The following ZDHHC11 variants were observed in gnomAD, a reference collection of about 807,000 sequenced individuals.
The protein encoded by ZDHHC11 is palmitoyltransferase ZDHHC11.
A neutral mutation model predicts 51.3 loss-of-function variants in ZDHHC11; 44 were observed. That is an observed-to-expected ratio of 0.86 (90% CI 0.67 to 1.10). The LOEUF (loss-of-function observed/expected upper bound fraction) is 1.10. ZDHHC11 is among the 50% of genes least tolerant of loss of function. The probability of loss-of-function intolerance (pLI) is 0.00; values close to 1 mark genes in which losing one functional copy is unlikely to be tolerated. For synonymous variants in ZDHHC11, 163 were observed against 222.0 expected, an observed-to-expected ratio of 0.73 and a Z score of 2.36; for missense variants, 400 against 537.7, an observed-to-expected ratio of 0.74 and a Z score of 2.53.
chr5:812,630 G>C, intron 11 of ZDHHC11, among the ~76,000 whole-genome samples: 1 of 151,254 alleles, frequency 6.6e-6, no homozygotes, highest in Non-Finnish European at 1.5e-5. Context: ...GGTAAAGTAA[G>C]TAAAAAGAAA....
chr5:825,565 T>C (rs1379689430), intron 7 of ZDHHC11, among the ~76,000 whole-genome samples: 23 of 152,166 alleles, frequency 1.5e-4, no homozygotes, highest in African/African-American at 5.6e-4. Context: ...TGATGGCAGA[T>C]GGGAGACAGG....
At chr5:808,984 TACACACAC>T (rs56961185) in intron 11 of ZDHHC11, among the ~76,000 whole-genome samples, 11,361 of 133,802 alleles carry the variant, frequency 0.085, 705 homozygotes, top group African/African-American at 0.27. Context: ...GACCATCAGT[TACACACAC>T]ACACACACAC....
chr5:821,744 T>C (rs564835710), intron 9 of ZDHHC11, 117 bp downstream of exon 9: 1 of 1,077,738 alleles, frequency 9.3e-7, no homozygotes, highest in East Asian at 2.6e-5. Flanking sequence ...TCCTGGCACT[T>C]CAGGATATTT....
intron 1 of ZDHHC11, among the ~76,000 whole-genome samples, chr5:849,939 G>A (rs1487438901): frequency 1.3e-5 from 2 of 151,824 alleles, no homozygotes; most frequent in African/African-American, 2.4e-5. Context: ...CATCTCCGCA[G>A]GGCAGCCCAG....
At chr5:854,258 G>A (rs1271196328), upstream of ZDHHC11, among the ~76,000 whole-genome samples, 1 of 144,110 alleles carries the variant, frequency 6.9e-6, no homozygotes, top group South Asian at 2.3e-4. Context: ...AGTGTGGATA[G>A]ACCCCACCAA....
chr5:801,065 G>C (rs1325887281), intron 12 of ZDHHC11, 35 bp downstream of exon 12: 2 of 1,608,222 alleles, frequency 1.2e-6, no homozygotes, highest in African/African-American at 1.3e-5. Context: ...AACTTGGGTA[G>C]ATTTCAACAT....
rs1433651726 is a variant in ZDHHC11 at position 796,225 on chromosome 5, C to G, written c.*363G>C. 1.3e-5 allele frequency: 2 copies of G among 154,678 alleles called. No homozygotes were observed. The highest frequency in any genetic ancestry group is 2.9e-5 in the Non-Finnish European group (2 of 68,114). 9.6% of individuals were successfully genotyped at this position (154,678 alleles called of 1,614,324 possible). A position where few individuals can be genotyped will look rare whatever the true frequency, so the allele number is the denominator to read the frequency against. On this transcript the variant is annotated 3_prime_UTR_variant, in exon 13 of 13. Transcript: ENST00000283441. Reference sequence around the variant, plus strand: ...GTGTGAGCCAACATGCCCGGCCCATCAGCTCTTAAGCAGCAAGAGGCCCTG... The same window carrying G: ...GTGTGAGCCAACATGCCCGGCCCATGAGCTCTTAAGCAGCAAGAGGCCCTG...
intron 8 of ZDHHC11, chr5:824,136 G>T (rs1206490879): frequency 2.2e-6 from 1 of 452,100 alleles, no homozygotes; most frequent in African/African-American, 2.0e-5. Context: ...ACCTCCAGAA[G>T]CTGGCCCCAT....
At position 850,760 on chromosome 5, in the gene ZDHHC11, G is replaced by C. The variant is rs548470476; in HGVS notation, c.-158C>G. Reference sequence around the variant, plus strand: ...GCCTGGGGCCACGTTCCCCGCAGAGGGAGCAGGGGCTGGGCTGGAGTCGGT... The same window carrying C: ...GCCTGGGGCCACGTTCCCCGCAGAGCGAGCAGGGGCTGGGCTGGAGTCGGT... On this transcript the variant is annotated 5_prime_UTR_variant, in exon 1 of 13. Coordinates refer to ENST00000283441, the MANE Select transcript of ZDHHC11 (RefSeq NM_024786.3). The C allele has an allele frequency of 4.9e-4, 440 of 893,892 alleles. 2 individuals are homozygous for C. In the East Asian group the frequency reaches 5.5e-3, roughly 11 times the overall value. The allele number at this position is 893,892 out of a possible 1,614,324, so 55.4% of individuals were successfully genotyped here. A position where few individuals can be genotyped will look rare whatever the true frequency, so the allele number is the denominator to read the frequency against.
At chr5:845,793 T>C (rs1746058347) in intron 3 of ZDHHC11, among the ~76,000 whole-genome samples, 1 of 150,968 alleles carries the variant, frequency 6.6e-6, no homozygotes, top group Admixed American at 6.5e-5. Flanking sequence ...CGGCGTTGGC[T>C]GCTGCCTGGA....
rs938042407 is a variant in ZDHHC11, at chr5:829,400, A to G, written c.936-4149T>C. On this transcript the variant is annotated intron_variant, in intron 7 of 12. Coordinates refer to ENST00000283441, the MANE Select transcript of ZDHHC11 (RefSeq NM_024786.3). ...TATGCACACAAACTAGAAAATCCAG[A>G]GGAGATGGATAACTTCCTGGAAATA... Among the ~76,000 whole-genome samples the G allele has an allele frequency of 2.0e-4, 31 of 152,136 alleles. No homozygotes were observed. In the East Asian group the frequency reaches 4.4e-3, roughly 22 times the overall value.
Position 850,447 on chromosome 5 carries a change from A to G in ZDHHC11, c.156T>C (p.Leu52=), listed in dbSNP as rs1561307520. The part of the protein sequence containing the change: ...QVVTWAVFVG[L]SSATFGIFIP... Reference sequence around the variant, plus strand: ...TGAAGATCCCGAAGGTGGCCGAGGAAAGGCCCACGAAGACAGCCCAGGTCA... The same window carrying G: ...TGAAGATCCCGAAGGTGGCCGAGGAGAGGCCCACGAAGACAGCCCAGGTCA... The change falls in exon 1 of 13, where the codon CTT becomes CTC. Residue 52 remains leucine, a synonymous_variant. Transcript: ENST00000283441. 6.2e-7 allele frequency: 1 copy of G among 1,613,618 alleles called. No individual in the cohort carries two copies. Among genetic ancestry groups the G allele is most frequent in the Non-Finnish European group, 8.5e-7 (1 of 1,180,012 alleles).
Position 843,957 on chromosome 5 carries a change from G to GT in ZDHHC11, c.504-234_504-233insA, listed in dbSNP as rs1330427256. On this transcript the variant is annotated intron_variant, in intron 3 of 12. Coordinates refer to ENST00000283441, the MANE Select transcript of ZDHHC11 (RefSeq NM_024786.3). ...AGGGGCGGGGGCATGCAGGGCAGGT[G>GT]GGGGGTGCAGAGGCAGGGGCAGGGA... 5.3e-3 allele frequency among the ~76,000 whole-genome samples: 455 copies of GT among 85,912 alleles called. 4 individuals carry two copies. The highest frequency in any genetic ancestry group is 0.024 in the African/African-American group (153 of 6,250). The allele number at this position is 85,912 out of a possible 152,430, so 56.4% of individuals were successfully genotyped here.
chr5:845,336 G>C (rs1260376442), intron 3 of ZDHHC11, among the ~76,000 whole-genome samples: 1 of 152,288 alleles, frequency 6.6e-6, no homozygotes, highest in Non-Finnish European at 1.5e-5. Flanking sequence ...TGTCTGGACA[G>C]GACTCCCCTC....
chr5:850,153 C>A (rs1746936988), intron 1 of ZDHHC11: 4 of 569,808 alleles, frequency 7.0e-6, no homozygotes, highest in African/African-American at 1.9e-5. Flanking sequence ...TGACAGATTC[C>A]CTCTCCGGAG....
intron 7 of ZDHHC11, among the ~76,000 whole-genome samples, chr5:827,140 T>C (rs1029503360): frequency 1.3e-5 from 2 of 149,780 alleles, no homozygotes; most frequent in Non-Finnish European, 3.0e-5. Flanking sequence ...GTTTCCTAAA[T>C]GAAGTAGAGA....
At chr5:856,714 CCA>C (rs983502359) in intron 1 of ZDHHC11, among the ~76,000 whole-genome samples, 3 of 151,450 alleles carry the variant, frequency 2.0e-5, no homozygotes, top group Admixed American at 6.6e-5. Context: ...TCTCCCCATA[CCA>C]CACAGGGACC....
upstream of ZDHHC11, among the ~76,000 whole-genome samples, chr5:854,572 G>T (rs1309242164): frequency 6.7e-6 from 1 of 149,014 alleles, no homozygotes; most frequent in African/African-American, 2.5e-5. Flanking sequence ...CAGTGAGCCA[G>T]GGGTCACAGA....
At chr5:855,915 C>T (rs1319917243), upstream of ZDHHC11, among the ~76,000 whole-genome samples, 4 of 101,422 alleles carry the variant, frequency 3.9e-5, no homozygotes, top group African/African-American at 1.5e-4. Context: ...TAGACCCCAC[C>T]GAGGACAGCG....
Sources: gnomAD v4.1 joint callset for allele counts (sites outside exome capture counted in the v4.1 genomes callset) on GRCh38, gnomAD v4.1.1 for gene constraint, MANE v1.5 for transcripts, NCBI Gene and HGNC (gene_info 2026-07-23, HGNC 2026-07-21) for gene names.